The following GPC5 variants were observed in gnomAD, a reference collection of about 807,000 sequenced individuals.
GPC5 encodes the protein glypican 5.
GPC5 carries 47 observed loss-of-function variants against 53.9 expected under a neutral mutation model. That is an observed-to-expected ratio of 0.87 (90% confidence interval 0.69 to 1.11). GPC5 has a LOEUF of 1.11. Ranked by LOEUF, GPC5 falls within the 50% of genes most tolerant of loss-of-function variation. GPC5 has a pLI of 0.00. For synonymous variants in GPC5, 286 were observed against 263.3 expected, an observed-to-expected ratio of 1.09 and a Z score of -0.84; for missense variants, 748 against 713.1, an observed-to-expected ratio of 1.05 and a Z score of -0.56.
At chr13:92,136,847 A>C (rs1327255374) in intron 6 of GPC5, among the ~76,000 whole-genome samples, 1 of 152,254 alleles carries the variant, frequency 6.6e-6, no homozygotes, top group African/African-American at 2.4e-5. Context: ...GATTCTATTG[A>C]GAAATTAATT....
At chr13:92,611,971 G>A (rs1315035741) in intron 7 of GPC5, among the ~76,000 whole-genome samples, 1 of 152,058 alleles carries the variant, frequency 6.6e-6, no homozygotes, top group Non-Finnish European at 1.5e-5. Context: ...TTGCGTACCA[G>A]GGAGAATATT....
At chr13:92,548,975 A>C (rs1053645107) in intron 7 of GPC5, among the ~76,000 whole-genome samples, 3 of 152,178 alleles carry the variant, frequency 2.0e-5, no homozygotes, top group African/African-American at 7.2e-5. Flanking sequence ...AATATACATG[A>C]AGTTTAGAGA....
intron 2 of GPC5, among the ~76,000 whole-genome samples, chr13:91,653,998 C>A (rs993199900): frequency 6.6e-6 from 1 of 152,160 alleles, no homozygotes; most frequent in Admixed American, 6.5e-5. Flanking sequence ...CCCTGCCCCC[C>A]ATCTTCAGGT....
chr13:92,499,270 C>T (rs987991383), intron 7 of GPC5, among the ~76,000 whole-genome samples: 2 of 152,108 alleles, frequency 1.3e-5, no homozygotes, highest in Non-Finnish European at 2.9e-5. Flanking sequence ...GAGGAATCTT[C>T]CTGACATGAT....
In GPC5 at chr13:92,045,122, C is replaced by T. The variant is rs1158172314; in HGVS notation, c.1402-99708C>T. On this transcript the variant is annotated intron_variant, in intron 6 of 7. Coordinates refer to ENST00000377067, the MANE Select transcript of GPC5 (RefSeq NM_004466.6). ...TGACTTTCTTTTTCCCTCCATAGAACTTGTACCCCCCAAAACTGCTAACAG... is the reference window on the plus strand; with the variant it reads ...TGACTTTCTTTTTCCCTCCATAGAATTTGTACCCCCCAAAACTGCTAACAG... Among the ~76,000 whole-genome samples the T allele has an allele frequency of 1.3e-5, 2 of 152,142 alleles. 1 individual carries two copies. Among genetic ancestry groups the T allele is most frequent in the Non-Finnish European group, 2.9e-5 (2 of 68,024 alleles).
intron 2 of GPC5, among the ~76,000 whole-genome samples, chr13:91,567,691 G>C (rs899374436): frequency 6.6e-6 from 1 of 152,156 alleles, no homozygotes; most frequent in African/African-American, 2.4e-5. Context: ...GTTGTTTGTC[G>C]AAGTCTGTTG....
At position 91,512,094 on chromosome 13, in the gene GPC5, T is replaced by G. The variant is rs1304117555; in HGVS notation, c.325+63172T>G. On this transcript the variant is annotated intron_variant, in intron 2 of 7. Transcript: ENST00000377067. ...GAAATCACCACAGGCTTTAAATATA[T>G]TTTTTGCCAACAGATCAGGATCTTT... is the stretch of plus-strand genomic sequence containing the variant. Among the ~76,000 whole-genome samples, 5 of 152,136 alleles carry G rather than the reference T, an allele frequency of 3.3e-5. 1 individual carries two copies. Among genetic ancestry groups the G allele is most frequent in the African/African-American group, 4.8e-5 (2 of 41,418 alleles).
intron 6 of GPC5, among the ~76,000 whole-genome samples, chr13:92,135,956 A>G (rs768244214): frequency 2.6e-5 from 4 of 152,218 alleles, no homozygotes; most frequent in Non-Finnish European, 5.9e-5. Flanking sequence ...GTTTATGTAC[A>G]CGGTATTTCT....
intron 7 of GPC5, among the ~76,000 whole-genome samples, chr13:92,199,226 A>G (rs986268160): frequency 1.5e-4 from 23 of 152,200 alleles, no homozygotes; most frequent in Non-Finnish European, 2.5e-4. Context: ...ATAATATTTG[A>G]AAAGTGCATT....
At chr13:92,402,637 G>T (rs755894267) in intron 7 of GPC5, among the ~76,000 whole-genome samples, 1 of 152,164 alleles carries the variant, frequency 6.6e-6, no homozygotes, top group Non-Finnish European at 1.5e-5. Flanking sequence ...CCTCACATGC[G>T]CAGTTCACAA....
rs9670909 is a variant in GPC5, at chr13:91,984,215, A to G, written c.1401+76158A>G. Among the ~76,000 whole-genome samples, 1,358 of 152,266 alleles carry G rather than the reference A, an allele frequency of 8.9e-3. 25 individuals are homozygous for G. The highest frequency in any genetic ancestry group is 0.031 in the African/African-American group (1,276 of 41,552). Reference sequence around the variant, plus strand: ...ATTTTGTTGTTGTTATTACTATTCCATTATTATTCTGCACTGGCAGTTATT... The same window carrying G: ...ATTTTGTTGTTGTTATTACTATTCCGTTATTATTCTGCACTGGCAGTTATT... On this transcript the variant is annotated intron_variant, in intron 6 of 7. Transcript: ENST00000377067.
intron 6 of GPC5, among the ~76,000 whole-genome samples, chr13:92,070,019 C>T (rs2041198129): frequency 6.6e-6 from 1 of 152,098 alleles, no homozygotes; most frequent in African/African-American, 2.4e-5. Context: ...AATCTAATCA[C>T]TATGAGCCCT....
intron 7 of GPC5, among the ~76,000 whole-genome samples, chr13:92,234,656 T>C (rs749104734): frequency 3.9e-5 from 6 of 152,184 alleles, no homozygotes; most frequent in Non-Finnish European, 7.4e-5. Flanking sequence ...TAGTAGAAGA[T>C]AAGGGTTACT....
chr13:92,026,302 TG>T (rs2040800372), intron 6 of GPC5, among the ~76,000 whole-genome samples: 1 of 152,012 alleles, frequency 6.6e-6, no homozygotes, highest in African/African-American at 2.4e-5. Flanking sequence ...TGATAATATA[TG>T]TATTAGATTA....
At chr13:92,164,244 A>G (rs2042011254) in intron 7 of GPC5, among the ~76,000 whole-genome samples, 1 of 152,272 alleles carries the variant, frequency 6.6e-6, no homozygotes, top group Non-Finnish European at 1.5e-5. Context: ...AGCTCACTCC[A>G]GCATTAACCC....
At chr13:92,484,457 A>G (rs1249715582) in intron 7 of GPC5, 2 of 152,204 alleles carry the variant, frequency 1.3e-5, no homozygotes, top group Non-Finnish European at 2.9e-5. Flanking sequence ...ATAATCATGT[A>G]GGCTATATTT....
chr13:91,562,535 A>C (rs1371035091), intron 2 of GPC5, among the ~76,000 whole-genome samples: 1 of 151,810 alleles, frequency 6.6e-6, no homozygotes, highest in Non-Finnish European at 1.5e-5. Flanking sequence ...GCTCACCGCA[A>C]TCTCTGCGTC....
At chr13:91,939,529 C>G (rs1265495855) in intron 6 of GPC5, among the ~76,000 whole-genome samples, 1 of 152,122 alleles carries the variant, frequency 6.6e-6, no homozygotes, top group African/African-American at 2.4e-5. Context: ...TTGGAATTCT[C>G]TAAGTAGCTC....
chr13:92,002,616 A>T (rs946967563), intron 6 of GPC5, among the ~76,000 whole-genome samples: 4 of 152,252 alleles, frequency 2.6e-5, no homozygotes, highest in African/African-American at 9.6e-5. Flanking sequence ...ACACAAAAAT[A>T]GTAAAAACGT....
Sources: allele counts gnomAD v4.1 joint callset (sites outside exome capture counted in the v4.1 genomes callset), GRCh38; gene constraint gnomAD v4.1.1; transcripts MANE v1.5; gene names NCBI Gene and HGNC (gene_info 2026-07-23, HGNC 2026-07-21).